The following CCDC30 variants were observed in gnomAD, a reference collection of about 807,000 sequenced individuals.
The protein encoded by CCDC30 is coiled-coil domain containing 30.
A neutral mutation model predicts 100.2 loss-of-function variants in CCDC30; 70 were observed. That is an observed-to-expected ratio of 0.70 (90% CI 0.58 to 0.85). CCDC30 has a LOEUF of 0.85. CCDC30 is among the 40% of genes least tolerant of loss of function. CCDC30 has a pLI of 0.00. For missense variants in CCDC30, 652 were observed against 771.2 expected (o/e 0.85, Z 1.83); for synonymous variants, 233 against 269.5 (o/e 0.86, Z 1.33).
chr1:42,497,958 A>T (rs1644253902), intron 5 of CCDC30, among the ~76,000 whole-genome samples: 1 of 152,242 alleles, frequency 6.6e-6, no homozygotes, highest in Non-Finnish European at 1.5e-5. Context: ...AGAGACTCAT[A>T]CATAGATTTG....
exon 10 of CCDC30, chr1:42,589,372 A>T (rs1379197573): frequency 1.2e-6 from 2 of 1,613,850 alleles, no homozygotes; most frequent in South Asian, 2.2e-5. Context: ...TGAGAACCTT[A>T]CAAGATAAAG....
At chr1:42,527,125 ACTT>A (rs891732933) in intron 6 of CCDC30, among the ~76,000 whole-genome samples, 3 of 152,138 alleles carry the variant, frequency 2.0e-5, no homozygotes, top group African/African-American at 4.8e-5. Context: ...TTCTAGTAAA[ACTT>A]CTTTCAAGTA....
rs189915578 is a variant in CCDC30, at chr1:42,537,239, A to C, written c.457-29057A>C. On this transcript the variant is annotated intron_variant, in intron 6 of 16. Coordinates refer to ENST00000668663, the Ensembl canonical transcript of CCDC30. ...TTAACTTCTTGTCCTGCCATCTTGGAAAGATCTATCAGGAGACATAATCAG... is the reference window on the plus strand; with the variant it reads ...TTAACTTCTTGTCCTGCCATCTTGGCAAGATCTATCAGGAGACATAATCAG... The C allele has an allele frequency of 3.6e-4, 164 of 456,286 alleles. 1 individual carries two copies. The highest frequency in any genetic ancestry group is 3.1e-3 in the African/African-American group (155 of 50,192). 28.3% of individuals were successfully genotyped at this position (456,286 alleles called of 1,614,324 possible). A position where few individuals can be genotyped will look rare whatever the true frequency, so the allele number is the denominator to read the frequency against.
At chr1:42,456,972 A>G in the CCDC30 span, 1 of 1,603,640 alleles carries the variant, frequency 6.2e-7, no homozygotes, top group South Asian at 1.1e-5. Context: ...AGGAGCTACC[A>G]GGAGGCTGCG....
rs2209308 is a variant in CCDC30, at chr1:42,596,397, G to A, written c.1164+6914G>A. Among the ~76,000 whole-genome samples the A allele has an allele frequency of 7.2e-3, 1,099 of 152,186 alleles. 16 individuals carry two copies. The highest frequency in any genetic ancestry group is 0.025 in the African/African-American group (1,025 of 41,512). ...TTGAAACTTCCTAACAGGGTCTGCCGGCAGGAGAAACTATTTAACCAGAGC... is the reference window on the plus strand; with the variant it reads ...TTGAAACTTCCTAACAGGGTCTGCCAGCAGGAGAAACTATTTAACCAGAGC... On this transcript the variant is annotated intron_variant, in intron 10 of 16. Coordinates refer to ENST00000668663, the Ensembl canonical transcript of CCDC30. This position sits in a 1 kb window ranked among gnomAD's most constrained non-coding sequence, Gnocchi z 4.3.
intron 6 of CCDC30, among the ~76,000 whole-genome samples, chr1:42,551,193 C>T (rs763047384): frequency 1.3e-5 from 2 of 152,080 alleles, no homozygotes; most frequent in South Asian, 2.1e-4. Flanking sequence ...TAGAAGGTTA[C>T]GTAAATAGTA....
At chr1:42,467,823 C>T (rs1643638283) in intron 1 of CCDC30, 1 of 152,172 alleles carries the variant, frequency 6.6e-6, no homozygotes, top group Non-Finnish European at 1.5e-5. Flanking sequence ...TGGTGAGCAA[C>T]AAACAATTGT....
At chr1:42,482,032 C>T in intron 2 of CCDC30, among the ~76,000 whole-genome samples, 1 of 152,064 alleles carries the variant, frequency 6.6e-6, no homozygotes, top group East Asian at 1.9e-4. Flanking sequence ...GCTTGGCCAA[C>T]ATGGTGACAT....
At chr1:42,535,854 G>GT (rs538529857) in intron 6 of CCDC30, among the ~76,000 whole-genome samples, 3 of 147,072 alleles carry the variant, frequency 2.0e-5, no homozygotes, top group Admixed American at 7.0e-5. Context: ...CTCCTAATAG[G>GT]TTTTTTTACA....
intron 11 of CCDC30, among the ~76,000 whole-genome samples, chr1:42,628,141 G>A (rs1459059277): frequency 1.3e-5 from 2 of 152,208 alleles, no homozygotes; most frequent in Non-Finnish European, 2.9e-5. Flanking sequence ...TGACCTGGAT[G>A]TGAGACCTGG....
intron 7 of CCDC30, 81 bp from the exon 12 acceptor site, chr1:42,576,939 T>G (rs1645849971): frequency 9.7e-7 from 1 of 1,029,350 alleles, no homozygotes; most frequent in Non-Finnish European, 1.4e-6. Context: ...TAGGGGACTA[T>G]ACTCCTTTGA....
At chr1:42,559,287 A>G (rs1645436646) in intron 6 of CCDC30, among the ~76,000 whole-genome samples, 1 of 152,246 alleles carries the variant, frequency 6.6e-6, no homozygotes, top group Non-Finnish European at 1.5e-5. Context: ...AGATTCACAC[A>G]TAACAATACT....
chr1:42,485,933 G>A (rs1644043216), intron 3 of CCDC30, among the ~76,000 whole-genome samples: 1 of 152,142 alleles, frequency 6.6e-6, no homozygotes, highest in South Asian at 2.1e-4. Flanking sequence ...AAACCACAAT[G>A]AGCGTCTACT....
downstream of CCDC30, chr1:42,654,249 G>A (rs1025424399): frequency 9.9e-5 from 50 of 502,516 alleles, 1 homozygote; most frequent in Non-Finnish European, 8.5e-5. Context: ...ATTGACTTTA[G>A]TTCAATGATT....
chr1:42,641,610 TA>T (rs1647402828), intron 12 of CCDC30, among the ~76,000 whole-genome samples: 3 of 152,184 alleles, frequency 2.0e-5, no homozygotes, highest in Middle Eastern at 3.4e-3. Context: ...CTCACGCTTG[TA>T]ATCCCAAACC....
rs114172576 is a variant in CCDC30, at chr1:42,502,443, C to T, written c.456+3527C>T. Among the ~76,000 whole-genome samples, 610 of 152,308 alleles carry T rather than the reference C, an allele frequency of 4.0e-3. 2 individuals are homozygous for T. The highest frequency in any genetic ancestry group is 0.013 in the African/African-American group (524 of 41,558). ...GCTCTTCCCGGGTGAGAAGATGCCC[C>T]GCCCTGCTTCGGCTCGTGCTCCGTG... On this transcript the variant is annotated intron_variant, in intron 6 of 16. Transcript: ENST00000668663.
At chr1:42,527,228 CT>C (rs1424103821) in intron 6 of CCDC30, among the ~76,000 whole-genome samples, 1 of 152,210 alleles carries the variant, frequency 6.6e-6, no homozygotes, top group African/African-American at 2.4e-5. Context: ...TACAGGGTAA[CT>C]TATCTGCTTG....
intron 7 of CCDC30, among the ~76,000 whole-genome samples, chr1:42,572,634 T>C (rs527699673): frequency 1.3e-5 from 2 of 152,352 alleles, no homozygotes; most frequent in African/African-American, 4.8e-5. Context: ...TATTTATTTT[T>C]GAGATGGAGT....
At chr1:42,561,724 C>T (rs1425592278) in intron 6 of CCDC30, among the ~76,000 whole-genome samples, 1 of 152,194 alleles carries the variant, frequency 6.6e-6, no homozygotes, top group African/African-American at 2.4e-5. Flanking sequence ...AGCCCAAAAA[C>T]TTCTTGAACT....
Sources: gnomAD v4.1 joint callset for allele counts (sites outside exome capture counted in the v4.1 genomes callset) on GRCh38, gnomAD v4.1.1 for gene constraint, Gnocchi (gnomAD v3.1) non-coding constraint, MANE v1.5 for transcripts, NCBI Gene and HGNC (gene_info 2026-07-23, HGNC 2026-07-21) for gene names.